Variants in HLCS observed in about 807,000 individuals in gnomAD.
HLCS encodes the protein holocarboxylase synthetase.
Under a neutral mutation model 75.0 loss-of-function variants are expected in HLCS, and 53 were observed. The ratio of observed to expected loss-of-function variants is 0.71; its 90% CI spans 0.57 to 0.89. The LOEUF (loss-of-function observed/expected upper bound fraction) is 0.89. HLCS is among the 40% of genes least tolerant of loss of function. The pLI, the probability that HLCS is intolerant of heterozygous loss-of-function variation, is 0.00. For missense variants in HLCS, 966 were observed against 1,074.0 expected (o/e 0.90, Z 1.41); for synonymous variants, 431 against 428.6 (o/e 1.01, Z -0.07).
chr21:36,785,180 C>T (rs1037184985), intron 6 of HLCS, among the ~76,000 whole-genome samples: 5 of 152,130 alleles, frequency 3.3e-5, no homozygotes, highest in Non-Finnish European at 7.3e-5. Flanking sequence ...TCGGCTCCCA[C>T]CTCTCTTCAG....
intron 6 of HLCS, among the ~76,000 whole-genome samples, chr21:36,814,509 G>C (rs2061603501): frequency 6.6e-6 from 1 of 152,176 alleles, no homozygotes; most frequent in African/African-American, 2.4e-5. Context: ...GGGCATCCCG[G>C]ATTTTATCTG....
intron 5 of HLCS, among the ~76,000 whole-genome samples, chr21:36,924,141 C>T (rs142506069): frequency 6.6e-6 from 1 of 152,156 alleles, no homozygotes; most frequent in South Asian, 2.1e-4. Context: ...TTCGCCCTAT[C>T]TATACATTCG....
intron 6 of HLCS, among the ~76,000 whole-genome samples, chr21:36,789,115 T>A (rs933161386): frequency 6.6e-6 from 1 of 152,210 alleles, no homozygotes; most frequent in Admixed American, 6.5e-5. Context: ...AGTGCAGTGG[T>A]GCAATCATAG....
chr21:36,874,926 G>A (rs1206142974), intron 6 of HLCS, among the ~76,000 whole-genome samples: 1 of 152,160 alleles, frequency 6.6e-6, no homozygotes, highest in Non-Finnish European at 1.5e-5. Context: ...CGCACTCCCT[G>A]GCCTCTCCCC....
In HLCS at chr21:36,966,545, AGGCACGCAGCCGCCGCACCGT is replaced by A; in HGVS notation, c.73_93del (p.Thr25_Ala31del). The A allele has an allele frequency of 2.0e-6, 2 of 1,000,592 alleles. No individual in the cohort carries two copies. The highest frequency in any genetic ancestry group is 2.4e-6 in the Non-Finnish European group (2 of 842,504). 62.0% of individuals were successfully genotyped at this position (1,000,592 alleles called of 1,614,324 possible). On this transcript the variant is annotated inframe_deletion, in exon 1 of 11. Transcript: ENST00000674895. Reference sequence around the variant, plus strand: ...CCGCAGAAGGTGAAGGAACAGCGCGAGGCACGCAGCCGCCGCACCGTGGCGCGCACGAGCTCAGCCGGCCGG... The same window carrying A: ...CCGCAGAAGGTGAAGGAACAGCGCGAGGCGCGCACGAGCTCAGCCGGCCGG...
intron 1 of HLCS, among the ~76,000 whole-genome samples, chr21:36,988,543 G>T (rs930763258): frequency 6.6e-6 from 1 of 152,144 alleles, no homozygotes; most frequent in Non-Finnish European, 1.5e-5. Context: ...TTTTATACTG[G>T]TGTAGGCGTT....
At chr21:36,864,031 A>G (rs1360918203) in intron 6 of HLCS, among the ~76,000 whole-genome samples, 1 of 152,228 alleles carries the variant, frequency 6.6e-6, no homozygotes, top group Non-Finnish European at 1.5e-5. Flanking sequence ...TTTAAATGAA[A>G]CTATTATATC....
intron 2 of HLCS, among the ~76,000 whole-genome samples, chr21:36,949,086 C>G (rs376891128): frequency 2.9e-4 from 44 of 152,318 alleles, no homozygotes; most frequent in Non-Finnish European, 5.4e-4. Context: ...ACCTCATCCC[C>G]CCATTCCACT....
chr21:36,924,977 T>TA (rs925680369), intron 5 of HLCS, among the ~76,000 whole-genome samples: 1 of 151,778 alleles, frequency 6.6e-6, no homozygotes, highest in African/African-American at 2.4e-5. Flanking sequence ...ATATACAATT[T>TA]AAAAAAAAGT....
chr21:36,973,097 G>C (rs1483125867), intron 1 of HLCS, among the ~76,000 whole-genome samples: 1 of 152,002 alleles, frequency 6.6e-6, no homozygotes. Context: ...AAGCATGGTG[G>C]TGCATGCCTG....
chr21:36,836,598 T>C (rs1006380628), intron 6 of HLCS, among the ~76,000 whole-genome samples: 1 of 150,912 alleles, frequency 6.6e-6, no homozygotes, highest in Non-Finnish European at 1.5e-5. Flanking sequence ...GGGAGAAAAT[T>C]TTCGCAACCT....
At chr21:36,878,775 A>C (rs1206306629) in intron 6 of HLCS, among the ~76,000 whole-genome samples, 1 of 152,224 alleles carries the variant, frequency 6.6e-6, no homozygotes, top group Non-Finnish European at 1.5e-5. Flanking sequence ...ATTAGTATAC[A>C]AGTAGATATT....
chr21:36,822,558 A>C (rs1319043761), intron 6 of HLCS, among the ~76,000 whole-genome samples: 1 of 152,174 alleles, frequency 6.6e-6, no homozygotes, highest in Non-Finnish European at 1.5e-5. Context: ...CATTTACATT[A>C]TTTTTAATGA....
chr21:36,875,850 G>GCTC, intron 6 of HLCS, among the ~76,000 whole-genome samples: 1 of 152,074 alleles, frequency 6.6e-6, no homozygotes, highest in East Asian at 1.9e-4. Context: ...AAGAGAGGCA[G>GCTC]CTCTTCGGGG....
intron 6 of HLCS, among the ~76,000 whole-genome samples, chr21:36,857,848 G>T (rs1289251066): frequency 6.6e-6 from 1 of 152,112 alleles, no homozygotes; most frequent in East Asian, 1.9e-4. Flanking sequence ...GAAGTGCAGT[G>T]GTGCAATCTC....
intron 6 of HLCS, among the ~76,000 whole-genome samples, chr21:36,805,807 C>A (rs953820320): frequency 6.6e-6 from 1 of 152,156 alleles, no homozygotes; most frequent in Non-Finnish European, 1.5e-5. Flanking sequence ...AGCATAGAGG[C>A]GTCCATCACT....
At chr21:36,895,440 A>C (rs1485039292) in intron 6 of HLCS, among the ~76,000 whole-genome samples, 1 of 152,160 alleles carries the variant, frequency 6.6e-6, no homozygotes, top group Non-Finnish European at 1.5e-5. Flanking sequence ...CAGGAGAGTT[A>C]AGAAGCGCTG....
intron 2 of HLCS, among the ~76,000 whole-genome samples, chr21:36,958,168 G>A (rs536051762): frequency 3.0e-4 from 46 of 151,404 alleles, no homozygotes; most frequent in African/African-American, 8.5e-4. Flanking sequence ...GCGTCAACCT[G>A]GGAGGCGGAG....
At chr21:36,928,616 A>G (rs1026245720) in intron 5 of HLCS, among the ~76,000 whole-genome samples, 1 of 152,224 alleles carries the variant, frequency 6.6e-6, no homozygotes, top group Non-Finnish European at 1.5e-5. Context: ...TACAACATAC[A>G]CGTACTCATT....
Sources: allele counts gnomAD v4.1 joint callset (sites outside exome capture counted in the v4.1 genomes callset), GRCh38; gene constraint gnomAD v4.1.1; transcripts MANE v1.5; gene names NCBI Gene and HGNC (gene_info 2026-07-23, HGNC 2026-07-21).